PALMD: variants seen among roughly 807,000 people sequenced by gnomAD.
The protein encoded by PALMD is paralemmin-like protein.
In PALMD, 42 loss-of-function variants were observed where a neutral mutation model predicts 56.2. That is an observed-to-expected ratio of 0.75 (90% CI 0.58 to 0.97). The LOEUF (loss-of-function observed/expected upper bound fraction) is 0.97, where lower values mean the gene tolerates loss of function less well. Among genes scored for constraint, PALMD ranks in the 50% least tolerant of loss-of-function variants. The pLI is 0.00. For synonymous variants in PALMD, 242 were observed against 222.9 expected (o/e 1.09, Z -0.76); for missense variants, 660 against 643.8 (o/e 1.03, Z -0.27).
At chr1:99,673,378 T>G (rs1044056912) in intron 3 of PALMD, among the ~76,000 whole-genome samples, 45 of 152,202 alleles carry the variant, frequency 3.0e-4, no homozygotes, top group African/African-American at 1.0e-3. Flanking sequence ...ATATGCTACG[T>G]GAAAAATACT....
chr1:99,679,569 C>T (rs1044189304), intron 3 of PALMD, among the ~76,000 whole-genome samples: 1 of 152,164 alleles, frequency 6.6e-6, no homozygotes, highest in African/African-American at 2.4e-5. Context: ...AGAAATATTA[C>T]CTTTGTATAT....
intron 3 of PALMD, chr1:99,668,881 T>C (rs965300360): frequency 3.3e-5 from 5 of 152,240 alleles, no homozygotes; most frequent in Admixed American, 1.3e-4. Context: ...CAGAATCATT[T>C]TCTAACCTAC....
chr1:99,690,583 CT>C (rs2100877965), intron 7 of PALMD, among the ~76,000 whole-genome samples: 2 of 152,178 alleles, frequency 1.3e-5, no homozygotes, highest in East Asian at 3.9e-4. Context: ...AACTTTAACA[CT>C]TTTTTTCTAC....
Position 99,694,071 on chromosome 1 carries a change from C to T in PALMD, c.*9C>T. On this transcript the variant is annotated 3_prime_UTR_variant, in exon 8 of 8. Transcript: ENST00000263174. ...GAAAAAAGGTGATCTAAGAGTTGTA[C>T]CACCTATATAAACATCCTTTGAAGA... 1.3e-6 allele frequency: 2 copies of T among 1,564,632 alleles called. No homozygotes were observed. Among genetic ancestry groups the T allele is most frequent in the Non-Finnish European group, 1.8e-6 (2 of 1,137,796 alleles).
At chr1:99,678,452 T>G (rs948827946) in intron 3 of PALMD, among the ~76,000 whole-genome samples, 1 of 152,100 alleles carries the variant, frequency 6.6e-6, no homozygotes, top group East Asian at 1.9e-4. Context: ...AGCCCTGTTG[T>G]AGGGGTTTAT....
intron 2 of PALMD, among the ~76,000 whole-genome samples, chr1:99,667,134 A>G (rs1232630685): frequency 1.3e-5 from 2 of 152,198 alleles, no homozygotes; most frequent in Non-Finnish European, 2.9e-5. Context: ...TTTGCCCACC[A>G]TTCCAATTAA....
At chr1:99,655,293 A>G (rs115394525) in intron 1 of PALMD, among the ~76,000 whole-genome samples, 1 of 152,292 alleles carries the variant, frequency 6.6e-6, no homozygotes, top group South Asian at 2.1e-4. Context: ...TTAGATGATA[A>G]ATAATATTAA....
At chr1:99,687,443 T>C (rs893835250) in intron 6 of PALMD, among the ~76,000 whole-genome samples, 2 of 152,088 alleles carry the variant, frequency 1.3e-5, no homozygotes, top group Non-Finnish European at 2.9e-5. Context: ...GACAAGAAGC[T>C]CTTAAAAGCA....
intron 1 of PALMD, among the ~76,000 whole-genome samples, chr1:99,650,930 T>C (rs1301119923): frequency 1.3e-5 from 2 of 152,236 alleles, no homozygotes. Flanking sequence ...TGGATCATTG[T>C]ATTATTTAGA....
intron 7 of PALMD, among the ~76,000 whole-genome samples, chr1:99,691,909 G>A (rs1291015479): frequency 1.3e-5 from 2 of 152,108 alleles, no homozygotes; most frequent in Non-Finnish European, 2.9e-5. Context: ...TTTTAATTTG[G>A]AAAACAGCGT....
intron 1 of PALMD, among the ~76,000 whole-genome samples, chr1:99,655,427 A>T (rs1008094863): frequency 6.6e-6 from 1 of 152,164 alleles, no homozygotes; most frequent in African/African-American, 2.4e-5. Flanking sequence ...TTAGTCATCA[A>T]CTGCTACCAC....
At chr1:99,686,890 T>A (rs371110728) in intron 4 of PALMD, 40 bp from the exon 5 acceptor site, 117 of 1,452,838 alleles carry the variant, frequency 8.1e-5, no homozygotes, top group Non-Finnish European at 1.1e-4. Context: ...ATTCTATTTT[T>A]TAAACTGTAT....
At chr1:99,667,955 G>A (rs1182329165) in intron 3 of PALMD, 189 bp downstream of exon 3, 1 of 495,862 alleles carries the variant, frequency 2.0e-6, no homozygotes, top group East Asian at 3.3e-5. Flanking sequence ...CTCGGCTCAC[G>A]GCAACTTCCA....
intron 1 of PALMD, among the ~76,000 whole-genome samples, chr1:99,649,699 C>T (rs947106015): frequency 6.6e-6 from 1 of 152,086 alleles, no homozygotes; most frequent in African/African-American, 2.4e-5. Context: ...ATGCCTACAG[C>T]GACATTGGAA....
In PALMD at chr1:99,694,183, A is replaced by G. The variant is rs563244628; in HGVS notation, c.*121A>G. 1.0e-4 allele frequency: 65 copies of G among 627,946 alleles called. No individual in the cohort carries two copies. The highest frequency in any genetic ancestry group is 4.1e-4 in the Middle Eastern group (1 of 2,412). The allele number at this position is 627,946 out of a possible 1,614,324, so 38.9% of individuals were successfully genotyped here. A position where few individuals can be genotyped will look rare whatever the true frequency, so the allele number is the denominator to read the frequency against. ...CAAAAAATTATCATTACAGTGTACCATATTAAGCCATGTGAATAAGTAGTA... is the reference window on the plus strand; with the variant it reads ...CAAAAAATTATCATTACAGTGTACCGTATTAAGCCATGTGAATAAGTAGTA... On this transcript the variant is annotated 3_prime_UTR_variant, in exon 8 of 8. Transcript: ENST00000263174.
intron 3 of PALMD, among the ~76,000 whole-genome samples, chr1:99,682,199 T>C (rs757465086): frequency 6.6e-6 from 1 of 152,194 alleles, no homozygotes; most frequent in Non-Finnish European, 1.5e-5. Context: ...CAAATCAACA[T>C]ACAAAAATAA....
chr1:99,663,579 A>T (rs1652900535), intron 2 of PALMD, among the ~76,000 whole-genome samples: 1 of 151,798 alleles, frequency 6.6e-6, no homozygotes, highest in Non-Finnish European at 1.5e-5. Context: ...ACACACACAC[A>T]CTTGCACAAT....
Position 99,646,202 on chromosome 1 carries a change from A to G in PALMD, c.-116A>G, listed in dbSNP as rs982370503. On this transcript the variant is annotated 5_prime_UTR_variant, in exon 1 of 8. Transcript: ENST00000263174. ...TTTCTCTATTTCTCCACTGGTGCAA[A>G]GAGCGGATTTCTCCCTGCTTCTCTT... 5.5e-5 allele frequency: 44 copies of G among 806,202 alleles called. No homozygotes were observed. The highest frequency in any genetic ancestry group is 5.2e-4 in the Middle Eastern group (2 of 3,846). The allele number at this position is 806,202 out of a possible 1,614,324, so 49.9% of individuals were successfully genotyped here. A position where few individuals can be genotyped will look rare whatever the true frequency, so the allele number is the denominator to read the frequency against.
intron 3 of PALMD, among the ~76,000 whole-genome samples, chr1:99,679,800 T>C (rs779737014): frequency 6.6e-6 from 1 of 152,156 alleles, no homozygotes; most frequent in Non-Finnish European, 1.5e-5. Context: ...GATTTCAAAT[T>C]CCATCCTGCC....
Sources: gnomAD v4.1 joint callset for allele counts (sites outside exome capture counted in the v4.1 genomes callset) on GRCh38, gnomAD v4.1.1 for gene constraint, MANE v1.5 for transcripts, NCBI Gene and HGNC (gene_info 2026-07-23, HGNC 2026-07-21) for gene names.